Variants in C16orf96 observed in about 807,000 individuals in gnomAD.
C16orf96 encodes the protein uncharacterized protein C16orf96.
C16orf96 carries 108 observed loss-of-function variants against 103.6 expected under a neutral mutation model. The observed-to-expected ratio is 1.04, with a 90% CI of 0.89 to 1.22. C16orf96 has a LOEUF of 1.22. C16orf96 is among the 50% of genes most tolerant of loss of function. The pLI is 0.00. For synonymous variants in C16orf96, 566 were observed against 593.5 expected, an observed-to-expected ratio of 0.95 and a Z score of 0.67; for missense variants, 1,586 against 1,464.2, an observed-to-expected ratio of 1.08 and a Z score of -1.36.
At chr16:4,567,280 CTTTTTTTTT>C (rs71139642) in intron 1 of C16orf96, among the ~76,000 whole-genome samples, 1 of 62,604 alleles carries the variant, frequency 1.6e-5, no homozygotes, top group African/African-American at 5.9e-5. Context: ...TATTTCTTTT[CTTTTTTTTT>C]TTTTTTTTTT....
upstream of C16orf96, among the ~76,000 whole-genome samples, chr16:4,553,195 T>G (rs2059238330): frequency 1.3e-5 from 2 of 152,180 alleles, no homozygotes; most frequent in South Asian, 4.1e-4. Flanking sequence ...GTTTTGTGGA[T>G]GGACTGGTAA....
At chr16:4,582,197 A>G (rs2059596369) in intron 7 of C16orf96, among the ~76,000 whole-genome samples, 1 of 151,756 alleles carries the variant, frequency 6.6e-6, no homozygotes, top group African/African-American at 2.4e-5. Flanking sequence ...CAGGAGAATC[A>G]CTTAAACCCG....
chr16:4,551,695 G>A (rs2059228883), upstream of C16orf96, among the ~76,000 whole-genome samples: 1 of 151,968 alleles, frequency 6.6e-6, no homozygotes, highest in Admixed American at 6.6e-5. Flanking sequence ...CTCGTGATCT[G>A]CCCACCTCGG....
At chr16:4,589,011 A>G (rs190486354) in intron 9 of C16orf96, among the ~76,000 whole-genome samples, 1 of 152,200 alleles carries the variant, frequency 6.6e-6, no homozygotes, top group Non-Finnish European at 1.5e-5. Flanking sequence ...ACTCCTCTAG[A>G]CACTTCCCCG....
In C16orf96 at chr16:4,580,028, A is replaced by G. The variant is rs1382222031; in HGVS notation, c.2255A>G (p.Glu752Gly). The G allele has an allele frequency of 1.3e-6, 2 of 1,551,120 alleles. No individual in the cohort carries two copies. The highest frequency in any genetic ancestry group is 2.7e-5 in the African/African-American group (2 of 72,986). The change falls in exon 7 of 16, where the codon GAG (glutamate) becomes GGG (glycine). Residue 752 changes from glutamate to glycine, a missense_variant. By Grantham distance (98) the Glu-to-Gly change is moderately conservative. Coordinates refer to ENST00000444310, the MANE Select transcript of C16orf96 (RefSeq NM_001145011.2). ...QKSRLKEEEL[E>G]RIWGNQIEMM... is the part of the protein sequence containing the mutation. ...TCCCCCTTTTAGGAGGAAGAACTTG[A>G]GAGAATTTGGGGCAACCAAATAGAG... is the stretch of plus-strand genomic sequence containing the variant.
intron 15 of C16orf96, 82 bp downstream of exon 15, chr16:4,599,446 C>T: frequency 1.6e-6 from 2 of 1,247,016 alleles, no homozygotes. Context: ...CCATCCCCCA[C>T]ACCCCGCCTG....
At chr16:4,570,685 A>G (rs139761855) in intron 1 of C16orf96, among the ~76,000 whole-genome samples, 5 of 152,128 alleles carry the variant, frequency 3.3e-5, no homozygotes, top group Admixed American at 2.0e-4. Flanking sequence ...CCAGACTGTT[A>G]TCGAACTCCT....
In C16orf96 at chr16:4,556,726, T is replaced by A. The variant is rs781117428; in HGVS notation, c.237T>A (p.Asn79Lys). The change falls in exon 1 of 16, where the codon AAT (asparagine) becomes AAA (lysine). Residue 79 changes from asparagine (N) to lysine (K), a missense_variant. Physicochemically the swap from Asn to Lys is moderately conservative, Grantham distance 94. Coordinates refer to ENST00000444310, the MANE Select transcript of C16orf96 (RefSeq NM_001145011.2). ...PILNPMKRLS[N>K]VFDHVVSRLD... ...TCAACCCCATGAAGAGGCTCAGCAA[T>A]GTCTTCGACCACGTGGTGAGCCGCC... 717 of 1,551,648 alleles carry A rather than the reference T, an allele frequency of 4.6e-4. No individual in the cohort carries two copies. Among genetic ancestry groups the A allele is most frequent in the South Asian group, 9.5e-4 (80 of 84,060 alleles).
At chr16:4,558,451 A>T (rs1381312015) in intron 1 of C16orf96, among the ~76,000 whole-genome samples, 4 of 151,702 alleles carry the variant, frequency 2.6e-5, no homozygotes, top group African/African-American at 9.7e-5. Flanking sequence ...TCATCTCTAT[A>T]AAAAAATGAA....
At chr16:4,597,255 G>C (rs555310191) in intron 14 of C16orf96, among the ~76,000 whole-genome samples, 1 of 152,166 alleles carries the variant, frequency 6.6e-6, no homozygotes, top group Non-Finnish European at 1.5e-5. Context: ...GGATCACCAG[G>C]CAGGATCACA....
intron 9 of C16orf96, among the ~76,000 whole-genome samples, chr16:4,591,026 C>T (rs1024793821): frequency 6.8e-6 from 1 of 146,776 alleles, no homozygotes; most frequent in South Asian, 2.2e-4. Context: ...GAGCGAAACT[C>T]CCTCTCAAAA....
chr16:4,576,146 G>A lies in C16orf96; in HGVS notation c.1666G>A (p.Ala556Thr). ...GGCCCCCAAGGAAGCACAGCCTAAGGCTCCCCAGTCTGCCCTTCACCGGCT... is the reference window on the plus strand; with the variant it reads ...GGCCCCCAAGGAAGCACAGCCTAAGACTCCCCAGTCTGCCCTTCACCGGCT... Reference protein sequence around the residue: ...DGAPKEAQPKAPQSALHRLKT... With the variant: ...DGAPKEAQPKTPQSALHRLKT... Residue 556 changes from alanine to threonine, a missense_variant, in exon 5 of 16, where the codon GCT becomes ACT. Physicochemically the swap from Ala to Thr is moderately conservative, Grantham distance 58. Coordinates refer to ENST00000444310, the MANE Select transcript of C16orf96 (RefSeq NM_001145011.2). 2 of 1,551,382 alleles carry A rather than the reference G, an allele frequency of 1.3e-6. No homozygotes were observed. Among genetic ancestry groups the A allele is most frequent in the Non-Finnish European group, 8.7e-7 (1 of 1,146,976 alleles).
At chr16:4,547,638 GTCTT>G in the C16orf96 span, among the ~76,000 whole-genome samples, 17 of 114,768 alleles carry the variant, frequency 1.5e-4, no homozygotes, top group African/African-American at 4.6e-4. Context: ...CTTTCTTTCT[GTCTT>G]TCTTTCTTTC....
At chr16:4,599,248 T>A (rs1286825308) in intron 14 of C16orf96, 36 bp from the exon 15 acceptor site, 2 of 1,531,642 alleles carry the variant, frequency 1.3e-6, no homozygotes, top group Non-Finnish European at 1.8e-6. Flanking sequence ...CAGGGGTGGA[T>A]GCCACCCACA....
At chr16:4,553,729 C>T (rs540321092), upstream of C16orf96, among the ~76,000 whole-genome samples, 19 of 152,282 alleles carry the variant, frequency 1.2e-4, no homozygotes, top group South Asian at 3.9e-3. Flanking sequence ...CCCACTTTGG[C>T]CTCCCAAAGT....
At chr16:4,587,559 AAAAG>A (rs893152834) in intron 8 of C16orf96, among the ~76,000 whole-genome samples, 5 of 150,118 alleles carry the variant, frequency 3.3e-5, no homozygotes, top group Non-Finnish European at 5.9e-5. Context: ...GAAAGAAAGA[AAAAG>A]AAAGAAAAGA....
chr16:4,580,222 A>G, intron 7 of C16orf96, 97 bp downstream of exon 7: 1 of 923,376 alleles, frequency 1.1e-6, no homozygotes, highest in Non-Finnish European at 1.6e-6. Flanking sequence ...TGAGGTGGGG[A>G]TGCACTTGAG....
At chr16:4,541,933 G>A in the C16orf96 span, among the ~76,000 whole-genome samples, 1 of 152,256 alleles carries the variant, frequency 6.6e-6, no homozygotes, top group East Asian at 1.9e-4. Flanking sequence ...CCCAGAAGCA[G>A]TGGTTCAGTG....
chr16:4,563,826 C>A (rs951178624), intron 1 of C16orf96, among the ~76,000 whole-genome samples: 5 of 150,950 alleles, frequency 3.3e-5, no homozygotes, highest in African/African-American at 1.2e-4. Flanking sequence ...GCCTGGGCCT[C>A]CCAATGTGCT....
Sources: allele counts gnomAD v4.1 joint callset (sites outside exome capture counted in the v4.1 genomes callset), GRCh38; gene constraint gnomAD v4.1.1; transcripts MANE v1.5; gene names NCBI Gene and HGNC (gene_info 2026-07-23, HGNC 2026-07-21).